RYR2: variants seen among roughly 807,000 people sequenced by gnomAD.
The protein encoded by RYR2 is ryanodine receptor 2.
A neutral mutation model predicts 601.1 loss-of-function variants in RYR2; 227 were observed. The ratio of observed to expected loss-of-function variants is 0.38; its 90% CI spans 0.34 to 0.42. The LOEUF is 0.42. Ranked by LOEUF, RYR2 falls within the 10% of genes least tolerant of loss-of-function variation. The pLI, the probability that RYR2 is intolerant of heterozygous loss-of-function variation, is 1.00. For missense variants in RYR2, 4,646 were observed against 6,156.5 expected, an observed-to-expected ratio of 0.75 and a Z score of 8.21; for synonymous variants, 2,223 against 2,175.1, an observed-to-expected ratio of 1.02 and a Z score of -0.61.
intron 1 of RYR2, among the ~76,000 whole-genome samples, chr1:237,064,522 G>A (rs16834782): frequency 6.6e-6 from 1 of 151,858 alleles, no homozygotes; most frequent in South Asian, 2.1e-4. Context: ...ATTTTTAAAT[G>A]TATTGGACAT....
At chr1:237,749,735 A>G (rs140787257) in intron 80 of RYR2, among the ~76,000 whole-genome samples, 36 of 152,342 alleles carry the variant, frequency 2.4e-4, no homozygotes, top group African/African-American at 8.4e-4. Context: ...CTCTAATTGC[A>G]TAAGTATTGA....
At chr1:237,418,065 T>C (rs1021088172) in intron 11 of RYR2, among the ~76,000 whole-genome samples, 1 of 152,060 alleles carries the variant, frequency 6.6e-6, no homozygotes, top group Non-Finnish European at 1.5e-5. Context: ...TATTTTGAGA[T>C]GGAGTCTTGC....
intron 4 of RYR2, among the ~76,000 whole-genome samples, chr1:237,358,019 A>G (rs1390175051): frequency 1.3e-5 from 2 of 152,164 alleles, no homozygotes; most frequent in Non-Finnish European, 2.9e-5. Flanking sequence ...TTTGGCCATT[A>G]GAAGTTTGAA....
intron 1 of RYR2, among the ~76,000 whole-genome samples, chr1:237,200,342 G>A (rs947184118): frequency 5.9e-5 from 9 of 151,724 alleles, no homozygotes; most frequent in African/African-American, 1.7e-4. Flanking sequence ...TTCATTCACT[G>A]CAGCCTCCGC....
intron 69 of RYR2, 76 bp from the exon 70 acceptor site, chr1:237,709,404 T>TG: frequency 3.3e-6 from 3 of 908,142 alleles, no homozygotes; most frequent in African/African-American, 1.8e-5. Context: ...CATTTAACTT[T>TG]GGGGGGATGG....
intron 14 of RYR2, among the ~76,000 whole-genome samples, chr1:237,447,050 T>A (rs1439508762): frequency 6.6e-6 from 1 of 152,224 alleles, no homozygotes; most frequent in African/African-American, 2.4e-5. Flanking sequence ...AAATTAATCA[T>A]AAATCTTTGA....
intron 3 of RYR2, among the ~76,000 whole-genome samples, chr1:237,335,843 T>A (rs1412173987): frequency 6.6e-6 from 1 of 152,178 alleles, no homozygotes; most frequent in Non-Finnish European, 1.5e-5. Flanking sequence ...GTATTGGTAG[T>A]TTACCGCTAT....
chr1:237,062,422 G>T (rs1301132135), intron 1 of RYR2, among the ~76,000 whole-genome samples: 4 of 152,000 alleles, frequency 2.6e-5, no homozygotes, highest in Admixed American at 2.6e-4. Flanking sequence ...CTCAGTATTT[G>T]CACTTAGTTT....
chr1:237,587,973 T>A (rs898138016), intron 29 of RYR2, among the ~76,000 whole-genome samples: 1 of 152,218 alleles, frequency 6.6e-6, no homozygotes, highest in Non-Finnish European at 1.5e-5. Context: ...TAATTTCTGT[T>A]AATGCAGTTC....
intron 78 of RYR2, among the ~76,000 whole-genome samples, chr1:237,732,735 A>G (rs1388582927): frequency 1.3e-5 from 2 of 152,226 alleles, no homozygotes; most frequent in Non-Finnish European, 2.9e-5. Context: ...CTGATCGTCA[A>G]AATGTGCTCA....
chr1:237,186,358 G>A (rs1301851981), intron 1 of RYR2, among the ~76,000 whole-genome samples: 1 of 152,026 alleles, frequency 6.6e-6, no homozygotes, highest in African/African-American at 2.4e-5. Flanking sequence ...AACAAGTATC[G>A]TACTAAGGTC....
At chr1:237,133,873 C>T (rs180922323) in intron 1 of RYR2, among the ~76,000 whole-genome samples, 28 of 138,728 alleles carry the variant, frequency 2.0e-4, no homozygotes, top group East Asian at 6.6e-4. Context: ...TGCAGTGAGC[C>T]GAGATCACGT....
rs368616789 is a variant in RYR2 at position 237,737,773 on chromosome 1, T to A, written c.11091+4017T>A. Among the ~76,000 whole-genome samples, 206 of 152,354 alleles carry A rather than the reference T, an allele frequency of 1.4e-3. 4 individuals carry two copies. In the South Asian group the frequency reaches 0.04, roughly 30 times the overall value. ...CCCTTTCCCAGACTGGTTAACCTAC[T>A]TTGTTTTCAATCCATCTAAACATAC... On this transcript the variant is annotated intron_variant, in intron 79 of 104. Transcript: ENST00000366574.
chr1:237,433,706 C>G (rs1374573162), intron 12 of RYR2, among the ~76,000 whole-genome samples: 3 of 152,130 alleles, frequency 2.0e-5, no homozygotes, highest in African/African-American at 7.2e-5. Context: ...TTCTTGCCCT[C>G]TCTTTACATA....
chr1:237,298,430 GA>G, intron 2 of RYR2, among the ~76,000 whole-genome samples: 1 of 152,286 alleles, frequency 6.6e-6, no homozygotes, highest in Non-Finnish European at 1.5e-5. Flanking sequence ...CCAGGAAGAT[GA>G]AAAGACAAAG....
intron 1 of RYR2, among the ~76,000 whole-genome samples, chr1:237,057,050 G>GT (rs1031758424): frequency 5.9e-5 from 9 of 152,174 alleles, no homozygotes; most frequent in African/African-American, 2.2e-4. Flanking sequence ...TGGATTTAGT[G>GT]TTTTGGAGAG....
At chr1:237,828,751 T>C (rs1383841245) in intron 102 of RYR2, among the ~76,000 whole-genome samples, 1 of 152,180 alleles carries the variant, frequency 6.6e-6, no homozygotes, top group African/African-American at 2.4e-5. Flanking sequence ...CAGAGCAGTG[T>C]GGTGAGTCCT....
At chr1:237,105,865 CA>C (rs1668617395) in intron 1 of RYR2, among the ~76,000 whole-genome samples, 1 of 137,432 alleles carries the variant, frequency 7.3e-6, no homozygotes, top group Non-Finnish European at 1.6e-5. Context: ...AAAATCCAAA[CA>C]AAAAACATAG....
In RYR2 at chr1:237,614,721, G is replaced by C. The variant is rs553819263; in HGVS notation, c.5593G>C (p.Glu1865Gln). Residue 1865 changes from glutamate to glutamine, a missense_variant, in exon 37 of 105, where the codon GAG becomes CAG. This residue lies in a region of RYR2 where 1,807 missense variants were observed against 2,088.1 expected (regional missense o/e 0.87). Coordinates refer to ENST00000366574, the MANE Select transcript of RYR2 (RefSeq NM_001035.3). The surrounding 1 kb of genome is among the most constrained non-coding windows in gnomAD (Gnocchi z 4.3). ...ATPEEESDTL[E>Q]KELSVDDAKL... is the part of the protein sequence containing the mutation. ...TCCGGAGGAGGAGAGTGACACGCTG[G>C]AGAAAGAGCTCAGTGTGGACGATGC... 1.9e-6 allele frequency: 3 copies of C among 1,613,912 alleles called. No individual in the cohort carries two copies. Among genetic ancestry groups the C allele is most frequent in the East Asian group, 2.2e-5 (1 of 44,884 alleles).
Sources: allele counts gnomAD v4.1 joint callset (sites outside exome capture counted in the v4.1 genomes callset), GRCh38; gene constraint gnomAD v4.1.1; regional missense constraint gnomAD v4.1.1; non-coding constraint Gnocchi (gnomAD v3.1); transcripts MANE v1.5; gene names NCBI Gene and HGNC (gene_info 2026-07-23, HGNC 2026-07-21).